Variants in JAK1 observed in about 807,000 individuals in gnomAD.
JAK1 encodes the protein Janus kinase 1.
JAK1 carries 16 observed loss-of-function variants against 136.6 expected under a neutral mutation model. The observed-to-expected ratio is 0.12, with a 90% confidence interval of 0.08 to 0.18. The LOEUF (loss-of-function observed/expected upper bound fraction) is 0.18, where lower values mean the gene tolerates loss of function less well. Among genes scored for constraint, JAK1 ranks in the 10% least tolerant of loss-of-function variants. The pLI is 1.00. For missense variants in JAK1, 859 were observed against 1,450.1 expected (o/e 0.59, Z 6.62); for synonymous variants, 492 against 519.5 (o/e 0.95, Z 0.72).
In JAK1 at chr1:64,878,559, GTGTATATATATATATATATATATA is replaced by G. The variant is rs1312720707; in HGVS notation, c.329+442_329+465del. On this transcript the variant is annotated intron_variant, in intron 4 of 24. Coordinates refer to ENST00000342505, the MANE Select transcript of JAK1 (RefSeq NM_002227.4). ...ATATCATGACCTTTATATATATAGT[GTGTATATATATATATATATATATA>G]TATATATATATATATATATATATCT... Among the ~76,000 whole-genome samples, 493 of 79,256 alleles carry G rather than the reference GTGTATATATATATATATATATATA, an allele frequency of 6.2e-3. 5 individuals carry two copies. The highest frequency in any genetic ancestry group is 0.021 in the African/African-American group (460 of 21,462). 52.0% of individuals were successfully genotyped at this position (79,256 alleles called of 152,430 possible).
intron 1 of JAK1, among the ~76,000 whole-genome samples, chr1:65,055,084 T>C (rs1442547707): frequency 6.6e-6 from 1 of 152,214 alleles, no homozygotes; most frequent in African/African-American, 2.4e-5. Context: ...TTCATGTTGT[T>C]GTGCAACTGC....
rs1218129765 is a variant in JAK1, at chr1:65,052,335, C to T, written c.-180-7753G>A. 2.6e-5 allele frequency among the ~76,000 whole-genome samples: 4 copies of T among 152,016 alleles called. No individual in the cohort carries two copies. The East Asian group carries it at 5.8e-4, about 22-fold the overall frequency. On this transcript the variant is annotated intron_variant, in intron 1 of 25. Transcript: ENST00000671954. ...AAAAATACAAAATGGACTTTTGGTGCCTCCCTTACCTAACTCGTTCATGCT... is the reference window on the plus strand; with the variant it reads ...AAAAATACAAAATGGACTTTTGGTGTCTCCCTTACCTAACTCGTTCATGCT...
chr1:64,860,874 G>A (rs868276568), intron 8 of JAK1, among the ~76,000 whole-genome samples: 56 of 142,094 alleles, frequency 3.9e-4, no homozygotes, highest in Middle Eastern at 3.6e-3. Flanking sequence ...GGGGTGACGC[G>A]GTGGGGGAGG....
intron 2 of JAK1, among the ~76,000 whole-genome samples, chr1:65,017,946 A>G (rs1569885909): frequency 6.6e-6 from 1 of 151,914 alleles, no homozygotes; most frequent in Non-Finnish European, 1.5e-5. Flanking sequence ...AGTAGCTGGG[A>G]TTACAGGTGT....
At chr1:64,862,517 G>A (rs1169478273) in intron 8 of JAK1, among the ~76,000 whole-genome samples, 2 of 152,200 alleles carry the variant, frequency 1.3e-5, no homozygotes, top group African/African-American at 2.4e-5. Flanking sequence ...CTTTCTTCCT[G>A]CCCTCCTCCT....
chr1:64,879,215 C>A (rs2101218712), intron 3 of JAK1, 67 bp from the exon 4 acceptor site: 1 of 1,569,130 alleles, frequency 6.4e-7, no homozygotes, highest in Non-Finnish European at 8.7e-7. Flanking sequence ...GTTTCTAAAC[C>A]CAATATATGC....
chr1:64,854,546 C>G (rs1180906625), intron 11 of JAK1, among the ~76,000 whole-genome samples: 8 of 152,218 alleles, frequency 5.3e-5, no homozygotes, highest in African/African-American at 1.9e-4. Context: ...TCAATTTTCT[C>G]ATCTATAAAA....
At chr1:64,856,232 G>T (rs576332885) in intron 10 of JAK1, among the ~76,000 whole-genome samples, 2 of 152,292 alleles carry the variant, frequency 1.3e-5, no homozygotes, top group African/African-American at 2.4e-5. Flanking sequence ...GGACACTGTG[G>T]TGCCAGATAG....
At chr1:65,039,872 C>T (rs899540258) in intron 2 of JAK1, among the ~76,000 whole-genome samples, 4 of 152,074 alleles carry the variant, frequency 2.6e-5, no homozygotes, top group East Asian at 3.9e-4. Flanking sequence ...TAAGAAACTA[C>T]CACAAACTTA....
intron 1 of JAK1, among the ~76,000 whole-genome samples, chr1:65,052,286 CTCA>C (rs1313311785): frequency 1.3e-5 from 2 of 152,076 alleles, no homozygotes; most frequent in African/African-American, 4.8e-5. Context: ...AATCCTTACA[CTCA>C]TCATGTCTTA....
At chr1:65,049,183 A>G (rs1460227069) in intron 1 of JAK1, among the ~76,000 whole-genome samples, 1 of 152,176 alleles carries the variant, frequency 6.6e-6, no homozygotes, top group African/African-American at 2.4e-5. Flanking sequence ...GTACTTTGGG[A>G]GGCTGAGGCG....
chr1:64,855,193 C>A (rs903221974), intron 11 of JAK1, among the ~76,000 whole-genome samples: 1 of 152,176 alleles, frequency 6.6e-6, no homozygotes. Flanking sequence ...GATAAATAAA[C>A]CAGTGACAGG....
At chr1:65,048,650 T>C (rs1647212101) in intron 1 of JAK1, among the ~76,000 whole-genome samples, 1 of 152,182 alleles carries the variant, frequency 6.6e-6, no homozygotes. Context: ...CGTATAAATC[T>C]GAGAGTTTAG....
At chr1:65,018,471 A>G (rs541177478) in intron 2 of JAK1, among the ~76,000 whole-genome samples, 2 of 145,164 alleles carry the variant, frequency 1.4e-5, no homozygotes, top group East Asian at 4.1e-4. Flanking sequence ...ACAGAGAGAG[A>G]GAGAGAGAGA....
intron 1 of JAK1, among the ~76,000 whole-genome samples, chr1:64,901,531 G>A (rs1237141756): frequency 6.6e-6 from 1 of 152,124 alleles, no homozygotes; most frequent in Non-Finnish European, 1.5e-5. Context: ...CAGCCAGCAG[G>A]TGAAAAAACT....
intron 1 of JAK1, among the ~76,000 whole-genome samples, chr1:64,901,543 A>C (rs1364507477): frequency 2.0e-5 from 3 of 152,190 alleles, no homozygotes; most frequent in Non-Finnish European, 4.4e-5. Context: ...GAAAAAACTC[A>C]AAAAACCAAC....
At chr1:64,880,135 C>A (rs1474610055) in intron 3 of JAK1, among the ~76,000 whole-genome samples, 1 of 152,118 alleles carries the variant, frequency 6.6e-6, no homozygotes, top group African/African-American at 2.4e-5. Context: ...CCCAGCACAC[C>A]CAGGCGGGGA....
At chr1:64,991,179 AG>A (rs1646653818) in intron 2 of JAK1, 1 of 152,348 alleles carries the variant, frequency 6.6e-6, no homozygotes, top group African/African-American at 2.4e-5. Context: ...GGAGCAGAAA[AG>A]TAGTAGAATA....
At chr1:64,904,759 A>ACC (rs36101272) in intron 1 of JAK1, among the ~76,000 whole-genome samples, 28 of 151,912 alleles carry the variant, frequency 1.8e-4, no homozygotes, top group South Asian at 6.3e-4. Context: ...ACACACACAC[A>ACC]CCCTATAAAA....
Sources: allele counts gnomAD v4.1 joint callset (sites outside exome capture counted in the v4.1 genomes callset), GRCh38; gene constraint gnomAD v4.1.1; transcripts MANE v1.5; gene names NCBI Gene and HGNC (gene_info 2026-07-23, HGNC 2026-07-21).